Variants in DMD observed in about 807,000 individuals in gnomAD.
DMD encodes mutant dystrophin.
In DMD, 63 loss-of-function variants were observed where a neutral mutation model predicts 330.1. That is an observed-to-expected ratio of 0.19 (90% CI 0.16 to 0.24). The LOEUF (loss-of-function observed/expected upper bound fraction) is 0.24, where lower values mean the gene tolerates loss of function less well. DMD is among the 10% of genes least tolerant of loss of function. DMD has a pLI of 1.00. For synonymous variants in DMD, 1,223 were observed against 959.8 expected, an observed-to-expected ratio of 1.27 and a Z score of -5.07; for missense variants, 3,344 against 2,684.1, an observed-to-expected ratio of 1.25 and a Z score of -5.43.
In DMD at chrX:32,554,946, A is replaced by G. The variant is rs1373750891; in HGVS notation, c.1993-9612T>C. On this transcript the variant is annotated intron_variant, in intron 16 of 78. Coordinates refer to ENST00000357033, the MANE Select transcript of DMD (RefSeq NM_004006.3). ...GAAAGAAAGAAAGAAAGAAAGAGAG[A>G]GAGAGGGAGAGAGAAAGAAAGAGAG... Among the ~76,000 whole-genome samples, 43 of 97,434 alleles carry G rather than the reference A, an allele frequency of 4.4e-4. 4 individuals carry two copies. The highest frequency in any genetic ancestry group is 2.2e-3 in the East Asian group (6 of 2,715). 84.6% of individuals were successfully genotyped at this position (97,434 alleles called of 115,157 possible). A position where few individuals can be genotyped will look rare whatever the true frequency, so the allele number is the denominator to read the frequency against.
intron 56 of DMD, among the ~76,000 whole-genome samples, chrX:31,505,838 T>C (rs1189680011): frequency 9.0e-6 from 1 of 111,029 alleles, no homozygotes; most frequent in Non-Finnish European, 1.9e-5. Context: ...TTCACCATGT[T>C]GGCCAGGATG....
intron 1 of DMD, among the ~76,000 whole-genome samples, chrX:33,125,584 A>C (rs1248355987): frequency 8.9e-6 from 1 of 111,937 alleles, no homozygotes; most frequent in Non-Finnish European, 1.9e-5. Context: ...AAGTGACTAC[A>C]ATGAATGAAC....
chrX:31,356,664 A>C (rs1485862143), intron 60 of DMD, among the ~76,000 whole-genome samples: 1 of 112,060 alleles, frequency 8.9e-6, no homozygotes, highest in East Asian at 2.8e-4. Flanking sequence ...CGATTTCTAA[A>C]ATGCACTTTG....
chrX:33,018,385 T>C (rs1222275903), intron 2 of DMD, among the ~76,000 whole-genome samples: 4 of 111,796 alleles, frequency 3.6e-5, no homozygotes, highest in African/African-American at 1.3e-4. Context: ...TTTTAAGATA[T>C]GGGCATTCAT....
intron 2 of DMD, among the ~76,000 whole-genome samples, chrX:32,897,274 T>A (rs931033982): frequency 2.7e-5 from 3 of 110,158 alleles, no homozygotes; most frequent in Non-Finnish European, 5.7e-5. Context: ...ACATCACAGG[T>A]AATCAGAACA....
At chrX:32,827,352 TA>T (rs2078798482) in intron 4 of DMD, among the ~76,000 whole-genome samples, 2 of 111,188 alleles carry the variant, frequency 1.8e-5, no homozygotes, top group Non-Finnish European at 3.8e-5. Flanking sequence ...TTCAGATCAC[TA>T]GGGGGTAATT....
At chrX:31,904,354 C>T (rs1347198322) in intron 47 of DMD, among the ~76,000 whole-genome samples, 1 of 111,438 alleles carries the variant, frequency 9.0e-6, no homozygotes, top group East Asian at 2.8e-4. Flanking sequence ...TAAAATGGCA[C>T]TCAGTGATCT....
intron 1 of DMD, among the ~76,000 whole-genome samples, chrX:33,274,285 T>C (rs1453373837): frequency 8.9e-6 from 1 of 111,850 alleles, no homozygotes; most frequent in African/African-American, 3.3e-5. Context: ...TATTAGCCAC[T>C]ACCAAGTCAG....
intron 54 of DMD, among the ~76,000 whole-genome samples, chrX:31,637,298 G>A (rs747016925): frequency 1.4e-4 from 16 of 111,535 alleles, no homozygotes; most frequent in South Asian, 3.7e-4. Flanking sequence ...TCTTGCTTTC[G>A]TACTTTTAAT....
At chrX:31,915,655 A>T (rs1239005217) in intron 47 of DMD, among the ~76,000 whole-genome samples, 3 of 112,117 alleles carry the variant, frequency 2.7e-5, no homozygotes, top group Non-Finnish European at 5.6e-5. Context: ...AAACCAAGGT[A>T]CTGTTTCTAT....
intron 74 of DMD, among the ~76,000 whole-genome samples, chrX:31,148,735 T>C (rs2037030827): frequency 8.9e-6 from 1 of 112,236 alleles, no homozygotes; most frequent in African/African-American, 3.2e-5. Context: ...TTATCAGACA[T>C]TCAAGTTTTA....
intron 55 of DMD, among the ~76,000 whole-genome samples, chrX:31,573,186 C>T (rs989155729): frequency 1.8e-5 from 2 of 111,525 alleles, no homozygotes; most frequent in South Asian, 7.5e-4. Flanking sequence ...TTCTTTATAG[C>T]CTTAAATTTC....
rs146142529 is a variant in DMD, at chrX:32,917,399, C to T, written c.94-67579G>A. 5.2e-3 allele frequency among the ~76,000 whole-genome samples: 578 copies of T among 111,822 alleles called. 4 individuals carry two copies. The highest frequency in any genetic ancestry group is 0.018 in the African/African-American group (551 of 30,778). On this transcript the variant is annotated intron_variant, in intron 2 of 78. Coordinates refer to ENST00000357033, the MANE Select transcript of DMD (RefSeq NM_004006.3). ...TACAACTATGATATATCAAAAGCTACAAACTATTTTTGTTTGCTCATTTAC... is the reference window on the plus strand; with the variant it reads ...TACAACTATGATATATCAAAAGCTATAAACTATTTTTGTTTGCTCATTTAC...
chrX:32,069,910 T>C (rs1280598746), intron 44 of DMD, among the ~76,000 whole-genome samples: 1 of 111,567 alleles, frequency 9.0e-6, no homozygotes, highest in African/African-American at 3.3e-5. Context: ...GTTGCTACAT[T>C]TTCACCCTAA....
chrX:31,672,276 T>G (rs1193415532), intron 53 of DMD, among the ~76,000 whole-genome samples: 1 of 112,479 alleles, frequency 8.9e-6, no homozygotes, highest in African/African-American at 3.2e-5. Flanking sequence ...TGTATGATTT[T>G]AATCCCTTTG....
rs996742196 is a variant in DMD, at chrX:32,093,472, T to C, written c.6438+123444A>G. Among the ~76,000 whole-genome samples, 7 of 112,407 alleles carry C rather than the reference T, an allele frequency of 6.2e-5. No homozygotes were observed. The East Asian group carries it at 1.4e-3, about 22-fold the overall frequency. On this transcript the variant is annotated intron_variant, in intron 44 of 78. Transcript: ENST00000357033. ...AAAGCCTTCAGCTATCTCTATACAA[T>C]GCCATTTTAAACACCTTTGGAAGAT... is the stretch of plus-strand genomic sequence containing the variant.
intron 1 of DMD, among the ~76,000 whole-genome samples, chrX:33,259,595 T>TCTCCC (rs1401918338): frequency 2.2e-5 from 1 of 44,957 alleles, no homozygotes; most frequent in Non-Finnish European, 3.6e-5. Context: ...TATTTCAAAA[T>TCTCCC]CGCCCCCCCC....
At chrX:31,754,106 AT>A (rs2088843904) in intron 51 of DMD, among the ~76,000 whole-genome samples, 2 of 111,319 alleles carry the variant, frequency 1.8e-5, no homozygotes, top group Admixed American at 1.9e-4. Flanking sequence ...TACCTCACTG[AT>A]TTGCTTGAAT....
intron 42 of DMD, among the ~76,000 whole-genome samples, chrX:32,294,668 T>C (rs1392249202): frequency 9.0e-6 from 1 of 111,519 alleles, no homozygotes; most frequent in African/African-American, 3.3e-5. Flanking sequence ...CCTGGATATC[T>C]AGATAATAGC....
Sources: gnomAD v4.1 joint callset for allele counts (sites outside exome capture counted in the v4.1 genomes callset) on GRCh38, gnomAD v4.1.1 for gene constraint, MANE v1.5 for transcripts, NCBI Gene and HGNC (gene_info 2026-07-23, HGNC 2026-07-21) for gene names.